Variants in MRE11 observed in about 807,000 individuals in gnomAD.
MRE11 encodes MRE11 double strand break repair nuclease, also known as double-strand break repair protein MRE11.
A neutral mutation model predicts 91.7 loss-of-function variants in MRE11; 62 were observed. That is an observed-to-expected ratio of 0.68 (90% confidence interval 0.55 to 0.84). The LOEUF (loss-of-function observed/expected upper bound fraction) is 0.84, where lower values mean the gene tolerates loss of function less well. Among genes scored for constraint, MRE11 ranks in the 40% least tolerant of loss-of-function variants. MRE11 has a pLI of 0.00. For missense variants in MRE11, 796 were observed against 852.9 expected (o/e 0.93, Z 0.83); for synonymous variants, 273 against 271.4 (o/e 1.01, Z -0.06).
In MRE11 at chr11:94,490,966, C is replaced by T. The variant is rs1275867494; in HGVS notation, c.21-1G>A. On this transcript the variant is annotated splice_acceptor_variant, in intron 2 of 19. Coordinates refer to ENST00000323929, the MANE Select transcript of MRE11 (RefSeq NM_005591.4). LOFTEE classifies it high-confidence loss of function. ...TATTTTAAATGTGTTTTCATCATCA[C>T]TATATTAAGAAAGAAGAAACATTTC... 4 of 1,417,632 alleles carry T rather than the reference C, an allele frequency of 2.8e-6. No individual in the cohort carries two copies. Among genetic ancestry groups the T allele is most frequent in the Non-Finnish European group, 4.0e-6 (4 of 1,006,758 alleles). 87.8% of individuals were successfully genotyped at this position (1,417,632 alleles called of 1,614,324 possible). A position where few individuals can be genotyped will look rare whatever the true frequency, so the allele number is the denominator to read the frequency against.
chr11:94,492,546 T>A, intron 2 of MRE11: 2 of 688,278 alleles, frequency 2.9e-6, no homozygotes, highest in Non-Finnish European at 4.9e-6. Flanking sequence ...TAAACAATAC[T>A]ATATCAATAT....
At chr11:94,494,418 G>A (rs1683515311), upstream of MRE11, among the ~76,000 whole-genome samples, 1 of 152,160 alleles carries the variant, frequency 6.6e-6, no homozygotes, top group Non-Finnish European at 1.5e-5. Context: ...GAATTAGAAC[G>A]TCTGCCCTTT....
chr11:94,417,450 G>T lies in MRE11; in HGVS notation c.*2675C>A, dbSNP rs1945057447. The T allele has an allele frequency of 8.6e-6, 2 of 232,632 alleles. No individual in the cohort carries two copies. Among genetic ancestry groups the T allele is most frequent in the Admixed American group, 5.6e-5 (1 of 17,760 alleles). 14.4% of individuals were successfully genotyped at this position (232,632 alleles called of 1,614,324 possible). On this transcript the variant is annotated 3_prime_UTR_variant, in exon 20 of 20. Transcript: ENST00000323929. The stretch of plus-strand genomic sequence containing the variant: ...GTAAAGCAAATTACATGATTAGAAG[G>T]CTAATTATGGTATTACTGCATAGGT...
At position 94,418,467 on chromosome 11, in the gene MRE11, C is replaced by G. The variant is rs1182125423; in HGVS notation, c.*1658G>C. 4.3e-6 allele frequency: 1 copy of G among 231,646 alleles called. No homozygotes were observed. Among genetic ancestry groups the G allele is most frequent in the African/African-American group, 2.2e-5 (1 of 45,190 alleles). 14.3% of individuals were successfully genotyped at this position (231,646 alleles called of 1,614,324 possible). A position where few individuals can be genotyped will look rare whatever the true frequency, so the allele number is the denominator to read the frequency against. On this transcript the variant is annotated 3_prime_UTR_variant, in exon 20 of 20. Transcript: ENST00000323929. Reference sequence around the variant, plus strand: ...TTTAGTGACCATTCCCTCACTATAACTCTCACCCAGACCCACCTAACTGAT... The same window carrying G: ...TTTAGTGACCATTCCCTCACTATAAGTCTCACCCAGACCCACCTAACTGAT...
chr11:94,492,523 A>T (rs1410454856), intron 2 of MRE11: 2 of 629,672 alleles, frequency 3.2e-6, no homozygotes, highest in Non-Finnish European at 5.4e-6. Context: ...ATTTAAGATG[A>T]AGCCTAAGAA....
the MRE11 span, among the ~76,000 whole-genome samples, chr11:94,501,447 A>G: frequency 1.3e-5 from 2 of 152,242 alleles, no homozygotes; most frequent in African/African-American, 4.8e-5. Flanking sequence ...TATTAAAAAC[A>G]GGTGAAATTA....
intron 10 of MRE11, chr11:94,466,654 G>C: frequency 2.9e-6 from 1 of 350,060 alleles, no homozygotes; most frequent in South Asian, 2.1e-5. Flanking sequence ...AGCTCAGGAA[G>C]TCTGGCTCTA....
At chr11:94,496,363 T>C, upstream of MRE11, among the ~76,000 whole-genome samples, 1 of 152,224 alleles carries the variant, frequency 6.6e-6, no homozygotes, top group East Asian at 1.9e-4. Context: ...AGATTAAAAA[T>C]AATAGTTATA....
intron 18 of MRE11, among the ~76,000 whole-genome samples, chr11:94,434,935 T>C (rs188830639): frequency 6.6e-6 from 1 of 152,334 alleles, no homozygotes; most frequent in East Asian, 1.9e-4. Flanking sequence ...AATAAGGCAG[T>C]TGATTACTTT....
chr11:94,498,802 C>A, upstream of MRE11: 1 of 401,996 alleles, frequency 2.5e-6, no homozygotes, highest in South Asian at 3.6e-5. Context: ...ACGGGTTGTA[C>A]AGAAACTGGT....
At chr11:94,463,836 C>T (rs1300879266) in intron 11 of MRE11, among the ~76,000 whole-genome samples, 2 of 151,948 alleles carry the variant, frequency 1.3e-5, no homozygotes, top group Non-Finnish European at 2.9e-5. Context: ...ATGTAAATGA[C>T]GAGTTAATGG....
chr11:94,502,346 T>C, the MRE11 span, among the ~76,000 whole-genome samples: 1 of 152,248 alleles, frequency 6.6e-6, no homozygotes, highest in Admixed American at 6.5e-5. Context: ...TGTATCTTCT[T>C]AAGTTCCCAG....
At chr11:94,423,666 G>A (rs1426565520) in intron 19 of MRE11, among the ~76,000 whole-genome samples, 1 of 152,232 alleles carries the variant, frequency 6.6e-6, no homozygotes, top group East Asian at 1.9e-4. Flanking sequence ...AGCCTCTGCT[G>A]CCTAGCCTTG....
At chr11:94,427,685 C>G (rs1231621290) in intron 19 of MRE11, among the ~76,000 whole-genome samples, 1 of 149,880 alleles carries the variant, frequency 6.7e-6, no homozygotes, top group Non-Finnish European at 1.5e-5. Flanking sequence ...ACGACTTCAG[C>G]AAAGTTTCAG....
chr11:94,429,781 A>G (rs1314440492), intron 19 of MRE11, 130 bp downstream of exon 19: 9 of 776,922 alleles, frequency 1.2e-5, no homozygotes, highest in Non-Finnish European at 1.9e-5. Flanking sequence ...AAACCTGCAC[A>G]TGTACTCCCT....
chr11:94,435,487 T>C (rs915088547), intron 18 of MRE11, among the ~76,000 whole-genome samples: 1 of 152,038 alleles, frequency 6.6e-6, no homozygotes, highest in African/African-American at 2.4e-5. Context: ...GCCCAGAAAG[T>C]GGAGGTTGCA....
In MRE11 at chr11:94,478,753, T is replaced by C. The variant is rs587781676; in HGVS notation, c.526A>G (p.Ile176Val). 20 of 1,612,756 alleles carry C rather than the reference T, an allele frequency of 1.2e-5. No homozygotes were observed. The highest frequency in any genetic ancestry group is 9.3e-6 in the Non-Finnish European group (11 of 1,179,830). The change falls in exon 6 of 20, where the codon ATT (isoleucine) becomes GTT (valine). Residue 176 changes from isoleucine (I) to valine (V), a missense_variant. By Grantham distance (29) the Ile-to-Val change is conservative (BLOSUM62 3). Coordinates refer to ENST00000323929, the MANE Select transcript of MRE11 (RefSeq NM_005591.4). ...PVLLQKGSTKIALYGLGSIPD... is the reference protein window; with the variant it reads ...PVLLQKGSTKVALYGLGSIPD... ...GTCTTACCTAAACCATATAGCGCAA[T>C]CTTTGTGCTTCCTTTTTGAAGCAAA...
chr11:94,511,266 C>G, the MRE11 span, among the ~76,000 whole-genome samples: 1 of 152,172 alleles, frequency 6.6e-6, no homozygotes, highest in Non-Finnish European at 1.5e-5. Context: ...GCTATGTGAG[C>G]TGCCTGTTCC....
In MRE11 at chr11:94,457,563, A is replaced by T. The variant is rs980970438; in HGVS notation, c.1501-1225T>A. 2.0e-5 allele frequency among the ~76,000 whole-genome samples: 3 copies of T among 152,188 alleles called. 1 individual carries two copies. The highest frequency in any genetic ancestry group is 4.1e-4 in the South Asian group (2 of 4,832). The stretch of plus-strand genomic sequence containing the variant: ...GTATGTAATCGTGCCCTAGGTGATA[A>T]GTAGCATACCAAAGGTGCTAAGCCA... On this transcript the variant is annotated intron_variant, in intron 13 of 19. Transcript: ENST00000323929.
Sources: gnomAD v4.1 joint callset for allele counts (sites outside exome capture counted in the v4.1 genomes callset) on GRCh38, gnomAD v4.1.1 for gene constraint, MANE v1.5 for transcripts, NCBI Gene and HGNC (gene_info 2026-07-23, HGNC 2026-07-21) for gene names.